The following OFD1 variants were observed in gnomAD, a reference collection of about 807,000 sequenced individuals.
OFD1 encodes the protein OFD1 centriole and centriolar satellite protein.
A neutral mutation model predicts 81.4 loss-of-function variants in OFD1; 12 were observed. The ratio of observed to expected loss-of-function variants is 0.15; its 90% CI spans 0.09 to 0.24. The LOEUF (loss-of-function observed/expected upper bound fraction) is 0.24, where lower values mean the gene tolerates loss of function less well. OFD1 is among the 10% of genes least tolerant of loss of function. OFD1 has a pLI of 1.00. For synonymous variants in OFD1, 256 were observed against 263.7 expected, an observed-to-expected ratio of 0.97 and a Z score of 0.28; for missense variants, 685 against 733.9, an observed-to-expected ratio of 0.93 and a Z score of 0.77.
At position 13,769,258 on chromosome X, in the gene OFD1, C is replaced by T; in HGVS notation, c.*150C>T. 2.0e-6 allele frequency: 1 copy of T among 512,073 alleles called. No individual in the cohort carries two copies. The highest frequency in any genetic ancestry group is 3.5e-6 in the Non-Finnish European group (1 of 286,802). The allele number at this position is 512,073 out of a possible 1,213,427, so 42.2% of individuals were successfully genotyped here. ...TTTTTTTCCATAATTAATTTTGATACCATAGTGTGTGAACCAAGAATAATC... is the reference window on the plus strand; with the variant it reads ...TTTTTTTCCATAATTAATTTTGATATCATAGTGTGTGAACCAAGAATAATC... On this transcript the variant is annotated 3_prime_UTR_variant, in exon 23 of 23. Transcript: ENST00000340096.
At chrX:13,770,384 T>A (rs987409116), downstream of OFD1, among the ~76,000 whole-genome samples, 1 of 112,267 alleles carries the variant, frequency 8.9e-6, no homozygotes, top group Non-Finnish European at 1.9e-5. Context: ...CATGTGTCAA[T>A]AGTGACAAAG....
chrX:13,751,814 G>A (rs759122585), intron 10 of OFD1, among the ~76,000 whole-genome samples: 1 of 111,838 alleles, frequency 8.9e-6, no homozygotes, highest in Non-Finnish European at 1.9e-5. Flanking sequence ...ACTAGCCTGC[G>A]TGACAGTGAC....
the OFD1 span, among the ~76,000 whole-genome samples, chrX:13,718,636 A>T: frequency 2.7e-5 from 3 of 111,692 alleles, no homozygotes; most frequent in East Asian, 8.4e-4. Context: ...TAATGTCACA[A>T]CTCCACCTCA....
rs2047870148 is a variant in OFD1 at position 13,760,109 on chromosome X, C to G, written c.1655-6C>G. 1 of 1,210,114 alleles carries G rather than the reference C, an allele frequency of 8.3e-7. No homozygotes were observed. Among genetic ancestry groups the G allele is most frequent in the African/African-American group, 1.7e-5 (1 of 57,260 alleles). On this transcript the variant is annotated splice_polypyrimidine_tract_variant and splice_region_variant and intron_variant, in intron 15 of 22. Transcript: ENST00000340096. ...ACTTCTGAAATTGGCTTTTTGTACC[C>G]TGCAGCCCTAGAGAATGAAGTGTAC...
At chrX:13,755,739 T>G (rs143846368) in intron 12 of OFD1, among the ~76,000 whole-genome samples, 2,420 of 111,513 alleles carry the variant, frequency 0.022, 38 homozygotes, top group Non-Finnish European at 0.031. Context: ...TATCATTGCT[T>G]CTTTACTTTT....
downstream of OFD1, chrX:13,773,573 G>C (rs1210486463): frequency 2.7e-5 from 3 of 111,812 alleles, no homozygotes; most frequent in African/African-American, 9.7e-5. Flanking sequence ...TGCAGTCTCT[G>C]TTAACAAAAC....
rs1476101224 is a variant in OFD1 at position 13,760,192 on chromosome X, G to A, written c.1732G>A (p.Val578Met). The part of the protein sequence containing the change: ...RSVNGLINGN[V>M]VPCNGEISGD... Reference sequence around the variant, plus strand: ...TGTCAATGGATTAATAAATGGCAATGTGGTGCCTTGCAATGGTGAGATAAG... The same window carrying A: ...TGTCAATGGATTAATAAATGGCAATATGGTGCCTTGCAATGGTGAGATAAG... Residue 578 changes from valine to methionine, a missense_variant, in exon 16 of 23, where the codon GTG (valine) becomes ATG (methionine). Physicochemically the swap from Val to Met is conservative, Grantham distance 21. Coordinates refer to ENST00000340096, the MANE Select transcript of OFD1 (RefSeq NM_003611.3). 2 of 1,211,878 alleles carry A rather than the reference G, an allele frequency of 1.7e-6. No homozygotes were observed.
chrX:13,765,795 GACAAGTAATTAAAGTAT>G (rs1339450700), intron 19 of OFD1, among the ~76,000 whole-genome samples: 7 of 112,141 alleles, frequency 6.2e-5, no homozygotes, highest in African/African-American at 2.3e-4. Flanking sequence ...AGAGGGAACA[GACAAGTAATTAAAGTAT>G]GGACCTTGCC....
At chrX:13,767,084 T>G (rs1233407516) in intron 19 of OFD1, 43 bp from the exon 20 acceptor site, 1 of 1,177,183 alleles carries the variant, frequency 8.5e-7, no homozygotes, top group East Asian at 3.0e-5. Context: ...TTCATTTGAA[T>G]AATCTGATAC....
upstream of OFD1, among the ~76,000 whole-genome samples, chrX:13,732,545 A>G (rs1275878929): frequency 8.9e-6 from 1 of 112,854 alleles, no homozygotes; most frequent in Non-Finnish European, 1.9e-5. Context: ...GCTGTGATCA[A>G]TTATCCATGT....
At chrX:13,751,813 C>T (rs773863417) in intron 10 of OFD1, among the ~76,000 whole-genome samples, 1 of 111,687 alleles carries the variant, frequency 9.0e-6, no homozygotes, top group Non-Finnish European at 1.9e-5. Context: ...TACTAGCCTG[C>T]GTGACAGTGA....
chrX:13,772,746 C>T, downstream of OFD1: 1 of 513,450 alleles, frequency 1.9e-6, no homozygotes, highest in Non-Finnish European at 3.0e-6. Context: ...AGATACATCC[C>T]AGCAGCTTGA....
intron 4 of OFD1, 21 bp downstream of exon 4, chrX:13,738,935 T>G (rs771947350): frequency 8.5e-7 from 1 of 1,174,647 alleles, no homozygotes; most frequent in Admixed American, 2.2e-5. Flanking sequence ...TTAGTTTCTG[T>G]AATCTACTTT....
chrX:13,751,390 A>T, intron 10 of OFD1, 22 bp downstream of exon 10: 1 of 1,143,901 alleles, frequency 8.7e-7, no homozygotes, highest in Non-Finnish European at 1.2e-6. Flanking sequence ...GCATTTTTAA[A>T]TAACTAATAT....
At chrX:13,749,015 G>A (rs1203408686) in intron 8 of OFD1, among the ~76,000 whole-genome samples, 1 of 108,386 alleles carries the variant, frequency 9.2e-6, no homozygotes, top group African/African-American at 3.4e-5. Flanking sequence ...GCAGCTACTC[G>A]GTAGGCTGGG....
chrX:13,717,260 GTGA>G, the OFD1 span, among the ~76,000 whole-genome samples: 1 of 110,853 alleles, frequency 9.0e-6, no homozygotes, highest in East Asian at 2.8e-4. Flanking sequence ...GTAGTGGGAG[GTGA>G]TGCTCAGCCC....
At chrX:13,745,871 T>G (rs760682776) in intron 6 of OFD1, among the ~76,000 whole-genome samples, 5 of 112,224 alleles carry the variant, frequency 4.5e-5, no homozygotes, top group Non-Finnish European at 9.4e-5. Context: ...GAGGGGTTGA[T>G]ATACGTGATC....
At chrX:13,739,313 A>AC (rs2046996972) in intron 5 of OFD1, 9 of 312,026 alleles carry the variant, frequency 2.9e-5, no homozygotes, top group African/African-American at 1.9e-4. Context: ...AAAAAAAAAA[A>AC]ACTAATAACT....
chrX:13,742,863 AC>A (rs780109747), intron 5 of OFD1, among the ~76,000 whole-genome samples: 24 of 111,163 alleles, frequency 2.2e-4, no homozygotes, highest in African/African-American at 7.9e-4. Context: ...CAGTGTCGAA[AC>A]CCATAGAGCT....
Sources: allele counts gnomAD v4.1 joint callset (sites outside exome capture counted in the v4.1 genomes callset), GRCh38; gene constraint gnomAD v4.1.1; transcripts MANE v1.5; gene names NCBI Gene and HGNC (gene_info 2026-07-23, HGNC 2026-07-21).